The following CLCN1 variants were observed in gnomAD, a reference collection of about 807,000 sequenced individuals.
CLCN1 encodes chloride voltage-gated channel 1, also known as chloride channel protein 1.
A neutral mutation model predicts 114.5 loss-of-function variants in CLCN1; 100 were observed. The ratio of observed to expected loss-of-function variants is 0.87; its 90% CI spans 0.74 to 1.03. The LOEUF (loss-of-function observed/expected upper bound fraction) is 1.03. Ranked by LOEUF, CLCN1 falls within the 50% of genes least tolerant of loss-of-function variation. CLCN1 has a pLI of 0.00. For missense variants in CLCN1, 1,188 were observed against 1,250.0 expected (o/e 0.95, Z 0.75); for synonymous variants, 485 against 487.1 (o/e 1.00, Z 0.06).
chr7:143,347,620 CAAAAAA>C (rs57147641), intron 20 of CLCN1, among the ~76,000 whole-genome samples: 25,665 of 95,032 alleles, frequency 0.27, 2,335 homozygotes, highest in East Asian at 0.29. Context: ...GACTTTGCCT[CAAAAAA>C]AAAAAAAAAA....
At chr7:143,347,872 T>C (rs914629999) in intron 20 of CLCN1, among the ~76,000 whole-genome samples, 8 of 152,146 alleles carry the variant, frequency 5.3e-5, no homozygotes, top group African/African-American at 1.9e-4. Context: ...TGTGCTTGGT[T>C]GTCAGGAGGG....
chr7:143,345,603 G>A lies in CLCN1; in HGVS notation c.2013G>A (p.Leu671=). Residue 671 remains leucine, a synonymous_variant, in exon 17 of 23, where the codon CTG becomes CTA. Transcript: ENST00000343257. Reference sequence around the variant, plus strand: ...GCCACCTGTGTCCTGAGCGCAGGCTGCGCGCAGCCCAAGAGATGGCGCGGA... The same window carrying A: ...GCCACCTGTGTCCTGAGCGCAGGCTACGCGCAGCCCAAGAGATGGCGCGGA... The part of the protein sequence containing the change: ...LQRHLCPERR[L]RAAQEMARKL... 3 of 1,554,384 alleles carry A rather than the reference G, an allele frequency of 1.9e-6. No individual in the cohort carries two copies. Among genetic ancestry groups the A allele is most frequent in the Non-Finnish European group, 2.6e-6 (3 of 1,149,208 alleles).
intron 10 of CLCN1, 26 bp downstream of exon 10, chr7:143,331,678 T>G: frequency 6.7e-7 from 1 of 1,498,064 alleles, no homozygotes; most frequent in Admixed American, 1.7e-5. Context: ...TCTTTTGCCC[T>G]ACCCATTTAC....
chr7:143,342,787 G>A (rs1803123445), intron 16 of CLCN1, among the ~76,000 whole-genome samples: 1 of 152,160 alleles, frequency 6.6e-6, no homozygotes. Context: ...TGACCAACAT[G>A]GAGAAACCCT....
At position 143,316,245 on chromosome 7, in the gene CLCN1, T is replaced by C. The variant is rs780696139; in HGVS notation, c.33T>C (p.Gly11=). 1.7e-5 allele frequency: 27 copies of C among 1,612,286 alleles called. No individual in the cohort carries two copies. The South Asian group carries it at 2.7e-4, about 16-fold the overall frequency. ...AATCCCGGTCACAGCAGCGTGGGGG[T>C]GAACAAAGCTGGTGGGGTAGTGACC... MEQSRSQQRG[G]EQSWWGSDPQ... is the part of the protein sequence containing the mutation. Residue 11 remains glycine, a synonymous_variant, in exon 1 of 23, where the codon GGT becomes GGC. Transcript: ENST00000343257.
At chr7:143,331,164 C>A in intron 8 of CLCN1, 68 bp from the exon 9 acceptor site, 1 of 1,220,690 alleles carries the variant, frequency 8.2e-7, no homozygotes, top group Non-Finnish European at 1.2e-6. Flanking sequence ...CTGAAAACTG[C>A]CCACCTCTGT....
intron 6 of CLCN1, chr7:143,323,723 T>A (rs1802509825): frequency 2.0e-6 from 1 of 509,292 alleles, no homozygotes; most frequent in South Asian, 1.5e-5. Flanking sequence ...TGCTCCCCCA[T>A]CCCTTTGTAG....
chr7:143,325,727 A>G (rs1171240116), intron 7 of CLCN1, among the ~76,000 whole-genome samples: 1 of 152,196 alleles, frequency 6.6e-6, no homozygotes, highest in African/African-American at 2.4e-5. Flanking sequence ...TCTTAACATG[A>G]AGAGAATTTG....
rs1803381387 is a variant in CLCN1 at position 143,350,942 on chromosome 7, A to G, written c.2595+288A>G. Among the ~76,000 whole-genome samples, 1 of 151,854 alleles carries G rather than the reference A, an allele frequency of 6.6e-6. No homozygotes were observed. Among genetic ancestry groups the G allele is most frequent in the African/African-American group, 2.4e-5 (1 of 41,294 alleles). ...ACAGGCGCCCGCTACCACACCCGCT[A>G]ATTTTTTGTATTTTTAGTAGAGACG... On this transcript the variant is annotated intron_variant, in intron 22 of 22. Coordinates refer to ENST00000343257, the MANE Select transcript of CLCN1 (RefSeq NM_000083.3). This position sits in a 1 kb window ranked among gnomAD's most constrained non-coding sequence, Gnocchi z 5.1.
intron 2 of CLCN1, 111 bp from the exon 3 acceptor site, chr7:143,320,553 T>G: frequency 2.7e-5 from 18 of 672,456 alleles, no homozygotes; most frequent in East Asian, 3.6e-5. Flanking sequence ...TTAGCTGCTT[T>G]TCTCTCTCTC....
At position 143,339,402 on chromosome 7, in the gene CLCN1, G is replaced by A. The variant is rs1206694695; in HGVS notation, c.1471+80G>A. The stretch of plus-strand genomic sequence containing the variant: ...GGAAACATAAGGAAAGGCCCGGGAT[G>A]CTGGGAGTTTATATTTGTTCTTAAT... On this transcript the variant is annotated intron_variant, in intron 13 of 22. Coordinates refer to ENST00000343257, the MANE Select transcript of CLCN1 (RefSeq NM_000083.3). This position sits in a 1 kb window ranked among gnomAD's most constrained non-coding sequence, Gnocchi z 4.1. The A allele has an allele frequency of 7.2e-7, 1 of 1,382,092 alleles. No individual in the cohort carries two copies. Among genetic ancestry groups the A allele is most frequent in the Non-Finnish European group, 1.0e-6 (1 of 968,682 alleles). 85.6% of individuals were successfully genotyped at this position (1,382,092 alleles called of 1,614,324 possible). A position where few individuals can be genotyped will look rare whatever the true frequency, so the allele number is the denominator to read the frequency against.
intron 12 of CLCN1, among the ~76,000 whole-genome samples, chr7:143,337,758 T>A (rs1379916068): frequency 6.7e-6 from 1 of 150,232 alleles, no homozygotes; most frequent in Non-Finnish European, 1.5e-5. Flanking sequence ...CTTTTACAGA[T>A]ATTTAAAAAG....
At chr7:143,346,707 G>A (rs1187274083) in intron 19 of CLCN1, 49 bp downstream of exon 19, 2 of 1,481,700 alleles carry the variant, frequency 1.3e-6, no homozygotes, top group Non-Finnish European at 1.9e-6. Flanking sequence ...GCCTGCCCTT[G>A]AAGAGTGAGA....
chr7:143,329,721 T>C (rs1802672661), intron 7 of CLCN1, among the ~76,000 whole-genome samples: 1 of 152,212 alleles, frequency 6.6e-6, no homozygotes, highest in African/African-American at 2.4e-5. Context: ...AGGCCAGGCC[T>C]CATCTCCATT....
At chr7:143,320,547 C>T (rs1319517262) in intron 2 of CLCN1, 117 bp from the exon 3 acceptor site, 13 of 1,003,684 alleles carry the variant, frequency 1.3e-5, no homozygotes, top group South Asian at 5.8e-5. Flanking sequence ...GACTCGTTAG[C>T]TGCTTTTCTC....
At chr7:143,329,312 A>T (rs1200202449) in intron 7 of CLCN1, among the ~76,000 whole-genome samples, 1 of 152,196 alleles carries the variant, frequency 6.6e-6, no homozygotes, top group Non-Finnish European at 1.5e-5. Flanking sequence ...GTAAAGAAAT[A>T]TCTGGATCTG....
Position 143,321,597 on chromosome 7 carries a change from C to G in CLCN1, c.562+104C>G, listed in dbSNP as rs1802436172. The stretch of plus-strand genomic sequence containing the variant: ...CACCCACAGCCCTGTGCTGCCTTGC[C>G]CCATCCTCCCCACCACTGCCTCTTC... On this transcript the variant is annotated intron_variant, in intron 4 of 22. Transcript: ENST00000343257. The surrounding 1 kb of genome is among the most constrained non-coding windows in gnomAD (Gnocchi z 4.2). 6.2e-7 allele frequency: 1 copy of G among 1,603,786 alleles called. No individual in the cohort carries two copies. Among genetic ancestry groups the G allele is most frequent in the Non-Finnish European group, 8.5e-7 (1 of 1,171,754 alleles).
intron 18 of CLCN1, 58 bp from the exon 19 acceptor site, chr7:143,346,520 GC>G: frequency 7.4e-7 from 1 of 1,354,906 alleles, no homozygotes; most frequent in Non-Finnish European, 1.1e-6. Context: ...ACTGGGTGGG[GC>G]CCCTGGCCGT....
At position 143,350,430 on chromosome 7, in the gene CLCN1, T is replaced by C. The variant is rs780727663; in HGVS notation, c.2462T>C (p.Ile821Thr). The change falls in exon 21 of 23, where the codon ATT becomes ACT. Residue 821 changes from isoleucine to threonine, a missense_variant. Coordinates refer to ENST00000343257, the MANE Select transcript of CLCN1 (RefSeq NM_000083.3). The surrounding 1 kb of genome is among the most constrained non-coding windows in gnomAD (Gnocchi z 5.1). ...CCTGTCTGTTTTGATTCCTGCTGTA[T>C]TGACCAGTCTCCCTTCCAGCTGGTG... is the stretch of plus-strand genomic sequence containing the variant. ...SQPVCFDSCC[I>T]DQSPFQLVEQ... 73 of 1,614,096 alleles carry C rather than the reference T, an allele frequency of 4.5e-5. No homozygotes were observed. The highest frequency in any genetic ancestry group is 5.3e-5 in the Non-Finnish European group (62 of 1,180,030).
Sources: allele counts gnomAD v4.1 joint callset (sites outside exome capture counted in the v4.1 genomes callset), GRCh38; gene constraint gnomAD v4.1.1; non-coding constraint Gnocchi (gnomAD v3.1); transcripts MANE v1.5; gene names NCBI Gene and HGNC (gene_info 2026-07-23, HGNC 2026-07-21).